CTNNA3: variants seen among roughly 807,000 people sequenced by gnomAD.
The protein encoded by CTNNA3 is catenin alpha 3.
In CTNNA3, 76 loss-of-function variants were observed where a neutral mutation model predicts 95.7. That is an observed-to-expected ratio of 0.79 (90% CI 0.66 to 0.96). The LOEUF is 0.96. Ranked by LOEUF, CTNNA3 falls within the 40% of genes least tolerant of loss-of-function variation. CTNNA3 has a pLI of 0.00. For synonymous variants in CTNNA3, 431 were observed against 374.4 expected (o/e 1.15, Z -1.74); for missense variants, 1,191 against 1,089.8 (o/e 1.09, Z -1.31).
intron 7 of CTNNA3, among the ~76,000 whole-genome samples, chr10:66,895,876 G>GAGACC (rs1845461320): frequency 2.2e-5 from 3 of 134,938 alleles, no homozygotes; most frequent in Admixed American, 8.5e-5. Flanking sequence ...TCAGAAGTTC[G>GAGACC]AGACCAGCCT....
At chr10:66,238,755 G>A (rs2089980752) in intron 13 of CTNNA3, among the ~76,000 whole-genome samples, 1 of 151,768 alleles carries the variant, frequency 6.6e-6, no homozygotes, top group African/African-American at 2.4e-5. Context: ...TGGGTGATAA[G>A]ACTACAAATG....
chr10:66,215,826 C>T (rs911674836), intron 13 of CTNNA3, among the ~76,000 whole-genome samples: 9 of 152,180 alleles, frequency 5.9e-5, no homozygotes, highest in African/African-American at 2.2e-4. Flanking sequence ...GTGGAAGGCA[C>T]AAGTCATGTC....
chr10:66,740,963 T>C (rs1849308371), intron 9 of CTNNA3, among the ~76,000 whole-genome samples: 1 of 152,164 alleles, frequency 6.6e-6, no homozygotes, highest in Non-Finnish European at 1.5e-5. Flanking sequence ...AGGTATCACT[T>C]GTGGATTTGT....
At chr10:67,472,991 G>A (rs566785855) in intron 5 of CTNNA3, among the ~76,000 whole-genome samples, 43 of 152,158 alleles carry the variant, frequency 2.8e-4, no homozygotes, top group Non-Finnish European at 5.4e-4. Flanking sequence ...TTATCACTAC[G>A]TAAGGCAATC....
At chr10:66,666,054 T>C (rs1846440461) in intron 9 of CTNNA3, among the ~76,000 whole-genome samples, 1 of 152,088 alleles carries the variant, frequency 6.6e-6, no homozygotes, top group African/African-American at 2.4e-5. Context: ...CTAATATAAG[T>C]CCAACACATT....
intron 13 of CTNNA3, among the ~76,000 whole-genome samples, chr10:66,249,564 CA>C (rs2090467979): frequency 6.6e-6 from 1 of 152,064 alleles, no homozygotes; most frequent in African/African-American, 2.4e-5. Context: ...AACTGCAAAT[CA>C]AAACTATAAT....
intron 13 of CTNNA3, among the ~76,000 whole-genome samples, chr10:66,194,343 G>A (rs2086837686): frequency 6.6e-6 from 1 of 152,138 alleles, no homozygotes; most frequent in Admixed American, 6.5e-5. Context: ...ACTTTGGGCG[G>A]CCGAGGCAGC....
At chr10:67,675,852 T>C (rs1346714918) in intron 1 of CTNNA3, among the ~76,000 whole-genome samples, 1 of 152,156 alleles carries the variant, frequency 6.6e-6, no homozygotes, top group Non-Finnish European at 1.5e-5. Flanking sequence ...AGTCTTTTAA[T>C]TAATTAATTT....
At chr10:66,845,719 A>AAAAAAAAAAC (rs1843236668) in intron 7 of CTNNA3, among the ~76,000 whole-genome samples, 2 of 73,226 alleles carry the variant, frequency 2.7e-5, no homozygotes, top group African/African-American at 4.2e-5. Flanking sequence ...AAAAAAAAAA[A>AAAAAAAAAAC]AAAAAAAAAA....
At chr10:66,020,656 C>T (rs990285883) in intron 15 of CTNNA3, among the ~76,000 whole-genome samples, 1 of 147,134 alleles carries the variant, frequency 6.8e-6, no homozygotes, top group African/African-American at 2.5e-5. Context: ...TAAACACTTG[C>T]TGATGATCTG....
chr10:66,953,525 CTT>C (rs970590677), intron 7 of CTNNA3, among the ~76,000 whole-genome samples: 2 of 152,204 alleles, frequency 1.3e-5, no homozygotes, highest in South Asian at 2.1e-4. Flanking sequence ...CAGAAAGACT[CTT>C]TGCTTGAAAC....
At chr10:66,492,204 C>A (rs1839947467) in intron 11 of CTNNA3, among the ~76,000 whole-genome samples, 1 of 152,190 alleles carries the variant, frequency 6.6e-6, no homozygotes, top group African/African-American at 2.4e-5. Context: ...TTCCCTTCAT[C>A]TCTTAATCTA....
chr10:66,734,539 A>C (rs1589188570), intron 9 of CTNNA3, among the ~76,000 whole-genome samples: 1 of 152,154 alleles, frequency 6.6e-6, no homozygotes, highest in African/African-American at 2.4e-5. Flanking sequence ...TAAAACTCTG[A>C]CTTTAAATGT....
At chr10:67,610,410 C>T (rs1238795952) in intron 2 of CTNNA3, among the ~76,000 whole-genome samples, 2 of 152,198 alleles carry the variant, frequency 1.3e-5, no homozygotes, top group African/African-American at 4.8e-5. Flanking sequence ...TACTCCAATA[C>T]AGTTATTTGA....
At chr10:66,349,863 A>G (rs2092553610) in intron 12 of CTNNA3, among the ~76,000 whole-genome samples, 1 of 152,064 alleles carries the variant, frequency 6.6e-6, no homozygotes, top group Non-Finnish European at 1.5e-5. Flanking sequence ...CTCATCATTT[A>G]CTCTTCAGAA....
intron 7 of CTNNA3, among the ~76,000 whole-genome samples, chr10:67,153,914 G>T (rs1453607957): frequency 6.6e-6 from 1 of 151,872 alleles, no homozygotes; most frequent in Admixed American, 6.6e-5. Context: ...CAATGTAAAA[G>T]TATTCAAGGA....
At chr10:67,122,263 A>G (rs527653740) in intron 7 of CTNNA3, among the ~76,000 whole-genome samples, 2 of 152,242 alleles carry the variant, frequency 1.3e-5, no homozygotes, top group Non-Finnish European at 2.9e-5. Context: ...TTTTTTAAAA[A>G]AAGGTCTTTT....
chr10:67,726,709 C>CGT (rs1321573547), intron 1 of CTNNA3, among the ~76,000 whole-genome samples: 30 of 84,758 alleles, frequency 3.5e-4, no homozygotes, highest in Non-Finnish European at 6.1e-4. Context: ...TAATATATAT[C>CGT]ATATATCATA....
At chr10:67,067,860 A>G (rs572535485) in intron 7 of CTNNA3, among the ~76,000 whole-genome samples, 1 of 152,364 alleles carries the variant, frequency 6.6e-6, no homozygotes, top group South Asian at 2.1e-4. Context: ...ATGAAATATG[A>G]CAAACGCTTG....
Sources: gnomAD v4.1 joint callset for allele counts (sites outside exome capture counted in the v4.1 genomes callset) on GRCh38, gnomAD v4.1.1 for gene constraint, MANE v1.5 for transcripts, NCBI Gene and HGNC (gene_info 2026-07-23, HGNC 2026-07-21) for gene names.